Variants in ANXA3 observed in about 807,000 individuals in gnomAD.
ANXA3 encodes the protein 35-alpha calcimedin.
In ANXA3, 46 loss-of-function variants were observed where a neutral mutation model predicts 48.8. That is an observed-to-expected ratio of 0.94 (90% CI 0.74 to 1.21). ANXA3 has a LOEUF of 1.21. Ranked by LOEUF, ANXA3 falls within the 50% of genes most tolerant of loss-of-function variation. ANXA3 has a pLI of 0.00. For synonymous variants in ANXA3, 128 were observed against 134.7 expected, an observed-to-expected ratio of 0.95 and a Z score of 0.35; for missense variants, 383 against 378.6, an observed-to-expected ratio of 1.01 and a Z score of -0.10.
intron 11 of ANXA3, chr4:78,601,848 T>C (rs2109949301): frequency 7.0e-6 from 2 of 286,942 alleles, no homozygotes; most frequent in East Asian, 6.5e-5. Flanking sequence ...TTTTCTCTAA[T>C]ATGATGAGTT....
chr4:78,592,222 A>G (rs550386990), intron 7 of ANXA3, among the ~76,000 whole-genome samples: 4 of 152,204 alleles, frequency 2.6e-5, no homozygotes, highest in Non-Finnish European at 5.9e-5. Context: ...TTTATTATAA[A>G]GATGGTAAGG....
intron 2 of ANXA3, among the ~76,000 whole-genome samples, chr4:78,572,895 T>C (rs1315972521): frequency 6.6e-6 from 1 of 152,174 alleles, no homozygotes; most frequent in Non-Finnish European, 1.5e-5. Context: ...CTAGTATCAT[T>C]TAAACTATAA....
At chr4:78,594,123 T>C (rs1266223988) in intron 7 of ANXA3, among the ~76,000 whole-genome samples, 1 of 152,076 alleles carries the variant, frequency 6.6e-6, no homozygotes, top group African/African-American at 2.4e-5. Flanking sequence ...ATCTCTAGAA[T>C]GTCCTATAGT....
Position 78,579,137 on chromosome 4 carries a change from C to T in ANXA3, c.198+16C>T. The T allele has an allele frequency of 1.3e-6, 2 of 1,555,358 alleles. No homozygotes were observed. Among genetic ancestry groups the T allele is most frequent in the South Asian group, 1.1e-5 (1 of 88,354 alleles). ...ATATGGAAAGGTAAGGTCACATTAA[C>T]ATGACAGGCAGTAAAGAGATCATTA... On this transcript the variant is annotated intron_variant, in intron 4 of 12. Coordinates refer to ENST00000264908, the MANE Select transcript of ANXA3 (RefSeq NM_005139.3).
intron 3 of ANXA3, among the ~76,000 whole-genome samples, chr4:78,576,434 C>T (rs755313362): frequency 1.3e-5 from 2 of 152,032 alleles, no homozygotes; most frequent in Non-Finnish European, 2.9e-5. Flanking sequence ...GTTGCTAGGA[C>T]TACAGATGCT....
intron 2 of ANXA3, among the ~76,000 whole-genome samples, chr4:78,572,858 C>G (rs1722867062): frequency 6.6e-6 from 1 of 152,134 alleles, no homozygotes; most frequent in East Asian, 1.9e-4. Flanking sequence ...ATTAATTTTA[C>G]AAGGGTAGTT....
chr4:78,554,203 T>C (rs1309499233), intron 1 of ANXA3, among the ~76,000 whole-genome samples: 3 of 152,190 alleles, frequency 2.0e-5, no homozygotes, highest in Non-Finnish European at 4.4e-5. Flanking sequence ...TTTTTTTCTG[T>C]CTCTTGTCTT....
At chr4:78,573,818 G>A (rs187093519) in intron 3 of ANXA3, among the ~76,000 whole-genome samples, 3 of 152,314 alleles carry the variant, frequency 2.0e-5, no homozygotes, top group Non-Finnish European at 4.4e-5. Flanking sequence ...GAACTGCCAT[G>A]GCACTGGTGG....
chr4:78,586,388 C>A (rs1239832376), intron 6 of ANXA3, 38 bp downstream of exon 6: 4 of 1,466,498 alleles, frequency 2.7e-6, no homozygotes, highest in African/African-American at 1.4e-5. Flanking sequence ...ACTGTTCACA[C>A]ATATTTGAGC....
chr4:78,583,182 TAA>T (rs71216223), intron 5 of ANXA3, among the ~76,000 whole-genome samples: 3 of 151,306 alleles, frequency 2.0e-5, no homozygotes, highest in African/African-American at 4.9e-5. Context: ...CTACAAAAAA[TAA>T]AAAAAAAATT....
intron 2 of ANXA3, among the ~76,000 whole-genome samples, chr4:78,562,048 A>T (rs1490084753): frequency 6.6e-6 from 1 of 152,204 alleles, no homozygotes; most frequent in African/African-American, 2.4e-5. Flanking sequence ...TCCCTCTTTT[A>T]TATTTAATCA....
intron 2 of ANXA3, among the ~76,000 whole-genome samples, chr4:78,564,316 A>T (rs1722685643): frequency 6.6e-6 from 1 of 152,192 alleles, no homozygotes; most frequent in Admixed American, 6.5e-5. Context: ...GTATCTCCCA[A>T]ATCTCCCAGA....
At position 78,591,598 on chromosome 4, in the gene ANXA3, G is replaced by A. The variant is rs144535003; in HGVS notation, c.458G>A (p.Arg153Gln). 99 of 1,613,346 alleles carry A rather than the reference G, an allele frequency of 6.1e-5. No individual in the cohort carries two copies. The highest frequency in any genetic ancestry group is 5.0e-4 in the Middle Eastern group (3 of 6,056). Residue 153 changes from arginine to glutamine, a missense_variant, in exon 7 of 13, where the codon CGG (arginine) becomes CAG (glutamine). Physicochemically the swap from Arg to Gln is conservative, Grantham distance 43. Coordinates refer to ENST00000264908, the MANE Select transcript of ANXA3 (RefSeq NM_005139.3). ...DISSETSGDFRKALLTLADGR... is the reference protein window; with the variant it reads ...DISSETSGDFQKALLTLADGR... ...AGTTCCGAAACATCTGGTGACTTCC[G>A]GAAAGCTCTGTTGACTTTGGCAGAT...
chr4:78,582,134 A>G, intron 4 of ANXA3, 43 bp from the exon 5 acceptor site: 1 of 1,372,820 alleles, frequency 7.3e-7, no homozygotes. Context: ...GAGAAAGAGA[A>G]AAAAAGTATT....
chr4:78,570,212 T>C (rs545181012), intron 2 of ANXA3, among the ~76,000 whole-genome samples: 1 of 152,320 alleles, frequency 6.6e-6, no homozygotes, highest in African/African-American at 2.4e-5. Context: ...ATTAAACAAG[T>C]TATTCCTCCC....
At chr4:78,576,539 C>A (rs1278318967) in intron 3 of ANXA3, among the ~76,000 whole-genome samples, 1 of 152,138 alleles carries the variant, frequency 6.6e-6, no homozygotes, top group Non-Finnish European at 1.5e-5. Flanking sequence ...TCAAGTAATC[C>A]TTCTGCCTTG....
At chr4:78,584,056 C>A (rs549403168) in intron 5 of ANXA3, among the ~76,000 whole-genome samples, 38 of 152,236 alleles carry the variant, frequency 2.5e-4, no homozygotes, top group Middle Eastern at 3.4e-3. Flanking sequence ...TAAGCTTATT[C>A]TTGTTTTGAG....
rs1722390507 is a variant in ANXA3 at position 78,551,830 on chromosome 4, C to T, written c.-68C>T. The stretch of plus-strand genomic sequence containing the variant: ...GCTCGCAGTTTGTTCGCAGTTTACT[C>T]GCACACCAGTTTCCCCCACCGCGCT... On this transcript the variant is annotated 5_prime_UTR_variant, in exon 1 of 13. Transcript: ENST00000264908. 1 of 152,298 alleles carries T rather than the reference C, an allele frequency of 6.6e-6. No homozygotes were observed. The highest frequency in any genetic ancestry group is 6.5e-5 in the Admixed American group (1 of 15,288). 9.4% of individuals were successfully genotyped at this position (152,298 alleles called of 1,614,324 possible). A position where few individuals can be genotyped will look rare whatever the true frequency, so the allele number is the denominator to read the frequency against.
At chr4:78,573,951 G>A (rs1578394817) in intron 3 of ANXA3, among the ~76,000 whole-genome samples, 1 of 152,124 alleles carries the variant, frequency 6.6e-6, no homozygotes, top group Non-Finnish European at 1.5e-5. Context: ...GGTTTTCAGG[G>A]TCATATCAGC....
Sources: allele counts gnomAD v4.1 joint callset (sites outside exome capture counted in the v4.1 genomes callset), GRCh38; gene constraint gnomAD v4.1.1; transcripts MANE v1.5; gene names NCBI Gene and HGNC (gene_info 2026-07-23, HGNC 2026-07-21).